Variants in REDIC1 observed in about 807,000 individuals in gnomAD.
REDIC1 encodes regulator of DNA class I crossover intermediates 1, also known as HEI10 Interacting Protein 1.
chr12:39,701,440 G>A, the REDIC1 span, among the ~76,000 whole-genome samples: 1 of 152,168 alleles, frequency 6.6e-6, no homozygotes, highest in African/African-American at 2.4e-5. Context: ...CATAAAGCAA[G>A]ATTCCTGAGT....
At chr12:39,885,642 C>T in the REDIC1 span, among the ~76,000 whole-genome samples, 12 of 152,230 alleles carry the variant, frequency 7.9e-5, no homozygotes, top group Non-Finnish European at 1.5e-4. Flanking sequence ...GGCCTTAGTA[C>T]ATAGGAATTC....
chr12:39,665,053 C>A, the REDIC1 span, among the ~76,000 whole-genome samples: 1 of 152,120 alleles, frequency 6.6e-6, no homozygotes, highest in Non-Finnish European at 1.5e-5. Context: ...GTTTCTTTTG[C>A]TGTGCAGAAG....
the REDIC1 span, among the ~76,000 whole-genome samples, chr12:39,713,296 G>A: frequency 7.6e-5 from 2 of 26,446 alleles, no homozygotes; most frequent in Non-Finnish European, 3.4e-4. Context: ...GTATATATGT[G>A]TACACACACA....
the REDIC1 span, among the ~76,000 whole-genome samples, chr12:39,893,412 G>A: frequency 6.6e-6 from 1 of 152,156 alleles, no homozygotes; most frequent in African/African-American, 2.4e-5. Flanking sequence ...CAATTCTCCT[G>A]CCTCAGCCTC....
At chr12:39,704,529 C>G in the REDIC1 span, among the ~76,000 whole-genome samples, 49 of 152,256 alleles carry the variant, frequency 3.2e-4, no homozygotes, top group African/African-American at 1.2e-3. Context: ...CCTCAGGGAT[C>G]TAGAACTAGA....
At chr12:39,821,821 T>C in the REDIC1 span, among the ~76,000 whole-genome samples, 7 of 152,150 alleles carry the variant, frequency 4.6e-5, no homozygotes, top group Non-Finnish European at 7.4e-5. Flanking sequence ...AATCCTTCCC[T>C]TGGGAGTGGT....
the REDIC1 span, among the ~76,000 whole-genome samples, chr12:39,826,711 T>A: frequency 7.3e-6 from 1 of 136,494 alleles, no homozygotes; most frequent in Non-Finnish European, 1.5e-5. Flanking sequence ...CTTCCCAAGT[T>A]TTTTTTTTGC....
the REDIC1 span, among the ~76,000 whole-genome samples, chr12:39,822,473 C>A: frequency 6.6e-6 from 1 of 152,182 alleles, no homozygotes; most frequent in African/African-American, 2.4e-5. Flanking sequence ...TTGGCACCAG[C>A]CACGCATTTT....
At chr12:39,817,035 G>A in the REDIC1 span, among the ~76,000 whole-genome samples, 239 of 151,068 alleles carry the variant, frequency 1.6e-3, no homozygotes, top group African/African-American at 5.3e-3. Context: ...AATGCCTTGA[G>A]GGAAAAAAAA....
At chr12:39,708,219 T>A in the REDIC1 span, among the ~76,000 whole-genome samples, 1 of 151,734 alleles carries the variant, frequency 6.6e-6, no homozygotes. Context: ...AACACTCCAG[T>A]TTTCATGTGA....
the REDIC1 span, chr12:39,721,344 A>G: frequency 1.9e-6 from 2 of 1,077,762 alleles, no homozygotes; most frequent in South Asian, 1.4e-5. Context: ...ATAAGAAATG[A>G]GAAAAAGTAG....
chr12:39,671,390 G>T, the REDIC1 span, among the ~76,000 whole-genome samples: 1 of 152,182 alleles, frequency 6.6e-6, no homozygotes, highest in Non-Finnish European at 1.5e-5. Context: ...GGGATGGGAT[G>T]CCAGGTGGGC....
chr12:39,893,536 G>A, the REDIC1 span, among the ~76,000 whole-genome samples: 2 of 152,308 alleles, frequency 1.3e-5, no homozygotes, highest in Middle Eastern at 3.4e-3. Flanking sequence ...CTGACCTCAG[G>A]TGATCTGCCC....
the REDIC1 span, among the ~76,000 whole-genome samples, chr12:39,838,491 T>TA: frequency 3.7e-4 from 37 of 101,040 alleles, no homozygotes; most frequent in African/African-American, 1.1e-3. Flanking sequence ...TAAAGTATAA[T>TA]AAAAAAAAAT....
the REDIC1 span, among the ~76,000 whole-genome samples, chr12:39,882,098 T>G: frequency 5.9e-5 from 9 of 152,188 alleles, no homozygotes; most frequent in Admixed American, 6.5e-5. Flanking sequence ...TTCCAGACAC[T>G]GCTTCTTTTT....
the REDIC1 span, among the ~76,000 whole-genome samples, chr12:39,891,220 A>G: frequency 4.0e-5 from 6 of 150,122 alleles, no homozygotes; most frequent in South Asian, 2.1e-4. Flanking sequence ...ATTATTTCCA[A>G]CCTTCTGCTG....
At chr12:39,682,655 T>C in the REDIC1 span, 1 of 1,606,550 alleles carries the variant, frequency 6.2e-7, no homozygotes, top group Admixed American at 1.7e-5. Flanking sequence ...GCTGTAATTA[T>C]GGATGAAGAT....
chr12:39,774,948 A>G, the REDIC1 span, among the ~76,000 whole-genome samples: 28 of 152,174 alleles, frequency 1.8e-4, no homozygotes, highest in Non-Finnish European at 3.1e-4. Context: ...TACAGTCTCT[A>G]ATTCTGGTAA....
the REDIC1 span, among the ~76,000 whole-genome samples, chr12:39,740,364 C>G: frequency 6.6e-5 from 10 of 152,160 alleles, no homozygotes; most frequent in African/African-American, 2.4e-4. Flanking sequence ...AGCCAATCTT[C>G]TTTCCTATGG....
Sources: allele counts gnomAD v4.1 joint callset (sites outside exome capture counted in the v4.1 genomes callset), GRCh38; gene constraint gnomAD v4.1.1; transcripts MANE v1.5; gene names NCBI Gene and HGNC (gene_info 2026-07-23, HGNC 2026-07-21).